TMEM108: variants seen among roughly 807,000 people sequenced by gnomAD.
TMEM108 encodes the protein cancer/testis antigen 124.
Under a neutral mutation model 35.1 loss-of-function variants are expected in TMEM108, and 12 were observed. That is an observed-to-expected ratio of 0.34 (90% CI 0.22 to 0.55). The LOEUF (loss-of-function observed/expected upper bound fraction) is 0.55. Ranked by LOEUF, TMEM108 falls within the 20% of genes least tolerant of loss-of-function variation. The pLI, the probability that TMEM108 is intolerant of heterozygous loss-of-function variation, is 0.89. For missense variants in TMEM108, 680 were observed against 753.3 expected, an observed-to-expected ratio of 0.90 and a Z score of 1.14; for synonymous variants, 287 against 308.6, an observed-to-expected ratio of 0.93 and a Z score of 0.73.
At chr3:133,175,473 CT>C (rs1283077134) in intron 2 of TMEM108, among the ~76,000 whole-genome samples, 1 of 152,166 alleles carries the variant, frequency 6.6e-6, no homozygotes, top group Non-Finnish European at 1.5e-5. Flanking sequence ...CAGCAGATCT[CT>C]TGGCAGAAAC....
intron 2 of TMEM108, among the ~76,000 whole-genome samples, chr3:133,187,248 A>T (rs950699183): frequency 2.0e-5 from 3 of 152,224 alleles, no homozygotes; most frequent in African/African-American, 7.2e-5. Flanking sequence ...AGAGATTTTT[A>T]AAAGATTAAA....
At chr3:133,220,688 G>T (rs193146660) in intron 2 of TMEM108, among the ~76,000 whole-genome samples, 1 of 152,302 alleles carries the variant, frequency 6.6e-6, no homozygotes, top group Non-Finnish European at 1.5e-5. Flanking sequence ...GACACCAGCT[G>T]AGTATCCTAT....
At chr3:133,256,889 G>A (rs952890304) in intron 3 of TMEM108, 1 of 152,128 alleles carries the variant, frequency 6.6e-6, no homozygotes, top group Non-Finnish European at 1.5e-5. Flanking sequence ...TAACCTTAAT[G>A]CAAAAGCCAG....
chr3:133,323,591 C>T (rs1244086595), intron 3 of TMEM108, among the ~76,000 whole-genome samples: 2 of 152,060 alleles, frequency 1.3e-5, no homozygotes, highest in African/African-American at 2.4e-5. Flanking sequence ...GTGAAAATGA[C>T]CATAATGCCA....
intron 2 of TMEM108, among the ~76,000 whole-genome samples, chr3:133,157,783 A>T (rs1194678053): frequency 6.6e-6 from 1 of 152,232 alleles, no homozygotes; most frequent in East Asian, 1.9e-4. Context: ...CCAAGCCATC[A>T]GTTATAATGA....
In TMEM108 at chr3:133,208,946, G is replaced by A. The variant is rs924460499; in HGVS notation, c.-46-20320G>A. On this transcript the variant is annotated intron_variant, in intron 2 of 5. Coordinates refer to ENST00000321871, the MANE Select transcript of TMEM108 (RefSeq NM_023943.4). ...TAGGGCATGATTCTGGTACTTTTGC[G>A]TTCCAGACTTTGTGTGGATGTTCGT... Among the ~76,000 whole-genome samples the A allele has an allele frequency of 2.6e-5, 4 of 152,054 alleles. 1 individual carries two copies. Among genetic ancestry groups the A allele is most frequent in the South Asian group, 2.1e-4 (1 of 4,822 alleles).
intron 2 of TMEM108, among the ~76,000 whole-genome samples, chr3:133,080,061 G>A (rs1205261549): frequency 6.6e-6 from 1 of 152,068 alleles, no homozygotes; most frequent in Non-Finnish European, 1.5e-5. Context: ...TTGTCATCTC[G>A]TCCAAGGTAG....
chr3:133,188,123 C>T (rs1945448135), intron 2 of TMEM108, among the ~76,000 whole-genome samples: 1 of 152,110 alleles, frequency 6.6e-6, no homozygotes, highest in Admixed American at 6.6e-5. Flanking sequence ...TTATTCAAAG[C>T]TGAGTTAAAA....
chr3:133,144,120 C>G (rs1559846452), intron 2 of TMEM108, among the ~76,000 whole-genome samples: 1 of 152,040 alleles, frequency 6.6e-6, no homozygotes, highest in East Asian at 1.9e-4. Context: ...TGTCTCTCCC[C>G]TAGCCGCCCA....
intron 3 of TMEM108, among the ~76,000 whole-genome samples, chr3:133,339,109 T>A (rs1377104957): frequency 6.6e-6 from 1 of 151,700 alleles, no homozygotes; most frequent in African/African-American, 2.4e-5. Flanking sequence ...CCCTTACTTA[T>A]CAATAATAAC....
chr3:133,121,539 G>A (rs1385225644), intron 2 of TMEM108, among the ~76,000 whole-genome samples: 2 of 152,158 alleles, frequency 1.3e-5, no homozygotes, highest in East Asian at 1.9e-4. Context: ...ATCCTATGTA[G>A]TACATTTTCA....
chr3:133,378,930 T>C (rs753540093), intron 3 of TMEM108, among the ~76,000 whole-genome samples: 2 of 151,750 alleles, frequency 1.3e-5, no homozygotes, highest in Non-Finnish European at 2.9e-5. Context: ...ATAACAACCA[T>C]GACACCAGCC....
At chr3:133,065,976 T>A (rs1426503839) in intron 2 of TMEM108, among the ~76,000 whole-genome samples, 1 of 152,200 alleles carries the variant, frequency 6.6e-6, no homozygotes, top group Admixed American at 6.5e-5. Flanking sequence ...GCAACCACAA[T>A]AGCTACATAA....
intron 2 of TMEM108, among the ~76,000 whole-genome samples, chr3:133,085,347 A>C (rs894872592): frequency 2.0e-5 from 3 of 152,180 alleles, no homozygotes; most frequent in Admixed American, 1.3e-4. Context: ...CTGCCACCAA[A>C]GGCCTTGCCC....
chr3:133,354,498 G>A (rs1029089376), intron 3 of TMEM108, among the ~76,000 whole-genome samples: 2 of 152,228 alleles, frequency 1.3e-5, no homozygotes, highest in African/African-American at 2.4e-5. Context: ...GAGTTGTACA[G>A]AACAGAAGTA....
At chr3:133,058,065 C>T (rs1029118740) in intron 2 of TMEM108, among the ~76,000 whole-genome samples, 7 of 149,258 alleles carry the variant, frequency 4.7e-5, no homozygotes, top group African/African-American at 1.7e-4. Flanking sequence ...CCCTTGAGCA[C>T]GTTGGATTTT....
intron 2 of TMEM108, among the ~76,000 whole-genome samples, chr3:133,079,782 C>T (rs754964254): frequency 6.6e-6 from 1 of 152,124 alleles, no homozygotes; most frequent in East Asian, 1.9e-4. Context: ...GGGACAGGCA[C>T]GAAGCTTGAA....
Position 133,145,765 on chromosome 3 carries a change from TTGTC to T in TMEM108, c.-46-83497_-46-83494del, listed in dbSNP as rs958170495. Among the ~76,000 whole-genome samples, 528 of 151,278 alleles carry T rather than the reference TTGTC, an allele frequency of 3.5e-3. 2 individuals carry two copies. Among genetic ancestry groups the T allele is most frequent in the African/African-American group, 0.012 (500 of 40,690 alleles). On this transcript the variant is annotated intron_variant, in intron 2 of 5. Coordinates refer to ENST00000321871, the MANE Select transcript of TMEM108 (RefSeq NM_023943.4). ...GTTCACTCATGATTTGGCTCTCTGT[TTGTC>T]TGTTATTGGTGTATAGGAATGCTTG... is the stretch of plus-strand genomic sequence containing the variant.
chr3:133,238,284 ATTCCT>A (rs1165351762), intron 3 of TMEM108, among the ~76,000 whole-genome samples: 2 of 99,048 alleles, frequency 2.0e-5, no homozygotes, highest in Admixed American at 1.9e-4. Flanking sequence ...TTCATCATCC[ATTCCT>A]TTGTTTCCAG....
Sources: gnomAD v4.1 joint callset for allele counts (sites outside exome capture counted in the v4.1 genomes callset) on GRCh38, gnomAD v4.1.1 for gene constraint, MANE v1.5 for transcripts, NCBI Gene and HGNC (gene_info 2026-07-23, HGNC 2026-07-21) for gene names.